The following ITFG1 variants were observed in gnomAD, a reference collection of about 807,000 sequenced individuals.
ITFG1 encodes the protein T-cell immunomodulatory protein.
A neutral mutation model predicts 81.8 loss-of-function variants in ITFG1; 34 were observed. The ratio of observed to expected loss-of-function variants is 0.42; its 90% CI spans 0.32 to 0.55. ITFG1 has a LOEUF of 0.55. Among genes scored for constraint, ITFG1 ranks in the 20% least tolerant of loss-of-function variants. ITFG1 has a pLI of 0.17. For missense variants in ITFG1, 672 were observed against 755.4 expected (o/e 0.89, Z 1.29); for synonymous variants, 285 against 270.6 (o/e 1.05, Z -0.52).
intron 14 of ITFG1, among the ~76,000 whole-genome samples, chr16:47,186,683 C>G (rs1965222398): frequency 6.6e-6 from 1 of 152,178 alleles, no homozygotes; most frequent in Non-Finnish European, 1.5e-5. Flanking sequence ...TGGAAGCATT[C>G]CCTTTGAAAA....
intron 14 of ITFG1, among the ~76,000 whole-genome samples, chr16:47,206,054 T>C (rs1965495665): frequency 6.6e-6 from 1 of 152,092 alleles, no homozygotes; most frequent in Non-Finnish European, 1.5e-5. Context: ...TTAGTGGAGA[T>C]GGGGTTTCAC....
chr16:47,163,053 C>T (rs546725613), intron 14 of ITFG1, among the ~76,000 whole-genome samples: 93 of 152,260 alleles, frequency 6.1e-4, no homozygotes, highest in African/African-American at 2.0e-3. Context: ...CCCCCTGCCT[C>T]GGGCTCTCAA....
At chr16:47,255,074 G>A (rs1966124499) in intron 12 of ITFG1, among the ~76,000 whole-genome samples, 1 of 152,132 alleles carries the variant, frequency 6.6e-6, no homozygotes, top group Admixed American at 6.5e-5. Context: ...GCAATAGACC[G>A]AGACTCTGTC....
chr16:47,396,016 T>A (rs1968588267), intron 6 of ITFG1: 1 of 223,456 alleles, frequency 4.5e-6, no homozygotes, highest in Non-Finnish European at 7.5e-6. Flanking sequence ...ATGTTTTAGA[T>A]ATCTGAAGAC....
chr16:47,181,808 A>G (rs1027602026), intron 14 of ITFG1, among the ~76,000 whole-genome samples: 2 of 152,138 alleles, frequency 1.3e-5, no homozygotes, highest in African/African-American at 4.8e-5. Flanking sequence ...AGAGGTAGAC[A>G]TGGGAGACTT....
intron 14 of ITFG1, among the ~76,000 whole-genome samples, chr16:47,170,270 A>C (rs1964941246): frequency 6.6e-6 from 1 of 152,078 alleles, no homozygotes; most frequent in Non-Finnish European, 1.5e-5. Flanking sequence ...TCCTTTCATG[A>C]AATTGTTGGT....
intron 10 of ITFG1, among the ~76,000 whole-genome samples, chr16:47,297,182 TTC>T: frequency 6.6e-6 from 1 of 152,316 alleles, no homozygotes; most frequent in South Asian, 2.1e-4. Context: ...ATGACATTCT[TTC>T]TTTTTTACTG....
intron 8 of ITFG1, among the ~76,000 whole-genome samples, chr16:47,352,583 A>G (rs2151582104): frequency 6.6e-6 from 1 of 152,324 alleles, no homozygotes; most frequent in African/African-American, 2.4e-5. Flanking sequence ...GATGTGGAGA[A>G]AGAGGAACAC....
At chr16:47,307,112 A>AAC (rs1967178907) in intron 10 of ITFG1, among the ~76,000 whole-genome samples, 1 of 147,610 alleles carries the variant, frequency 6.8e-6, no homozygotes, top group Non-Finnish European at 1.5e-5. Flanking sequence ...AAAAAAAAAA[A>AAC]AAAAAAAAAA....
chr16:47,408,097 T>G (rs1968752326), intron 6 of ITFG1, among the ~76,000 whole-genome samples: 1 of 152,202 alleles, frequency 6.6e-6, no homozygotes, highest in Non-Finnish European at 1.5e-5. Flanking sequence ...CAATACAGAA[T>G]GAATAGAGTG....
At chr16:47,292,162 C>T (rs552432437) in intron 10 of ITFG1, among the ~76,000 whole-genome samples, 28 of 152,064 alleles carry the variant, frequency 1.8e-4, no homozygotes, top group African/African-American at 5.1e-4. Flanking sequence ...TACAGGCGCC[C>T]GCCACCACAC....
chr16:47,216,584 T>C (rs1418779570), intron 14 of ITFG1, among the ~76,000 whole-genome samples: 2 of 152,198 alleles, frequency 1.3e-5, no homozygotes, highest in African/African-American at 2.4e-5. Context: ...TCTCTTGAAA[T>C]TGTATTCCTC....
intron 14 of ITFG1, 38 bp from the exon 15 acceptor site, chr16:47,162,702 C>A: frequency 6.5e-7 from 1 of 1,544,552 alleles, no homozygotes; most frequent in Non-Finnish European, 8.7e-7. Flanking sequence ...AAAAACATCT[C>A]TGGAAACATT....
At chr16:47,178,649 T>C (rs1965059959) in intron 14 of ITFG1, among the ~76,000 whole-genome samples, 2 of 152,108 alleles carry the variant, frequency 1.3e-5, no homozygotes, top group South Asian at 2.1e-4. Context: ...GCAATACCAT[T>C]CAGGACATAG....
chr16:47,204,340 T>C (rs527951147), intron 14 of ITFG1, among the ~76,000 whole-genome samples: 6 of 152,246 alleles, frequency 3.9e-5, no homozygotes, highest in Non-Finnish European at 8.8e-5. Flanking sequence ...TGAATTTCTG[T>C]GAGTCATTCC....
intron 14 of ITFG1, among the ~76,000 whole-genome samples, chr16:47,213,780 C>G (rs1965593542): frequency 6.6e-6 from 1 of 152,146 alleles, no homozygotes; most frequent in Non-Finnish European, 1.5e-5. Flanking sequence ...TTCCACAAGA[C>G]TTGTGCTCAG....
intron 6 of ITFG1, among the ~76,000 whole-genome samples, chr16:47,422,766 A>G (rs554021182): frequency 2.0e-5 from 3 of 151,592 alleles, no homozygotes; most frequent in African/African-American, 7.3e-5. Flanking sequence ...TAGATTTTCC[A>G]GTTTTTTTTT....
intron 5 of ITFG1, among the ~76,000 whole-genome samples, chr16:47,435,056 A>C (rs1969147866): frequency 6.6e-6 from 1 of 152,166 alleles, no homozygotes; most frequent in South Asian, 2.1e-4. Flanking sequence ...GGAGAGCATC[A>C]GGGAAGAATA....
intron 5 of ITFG1, among the ~76,000 whole-genome samples, chr16:47,444,282 C>G (rs1969293985): frequency 6.6e-6 from 1 of 152,118 alleles, no homozygotes; most frequent in Non-Finnish European, 1.5e-5. Context: ...TGCTATTTCT[C>G]ATTAATTAAC....
Sources: allele counts gnomAD v4.1 joint callset (sites outside exome capture counted in the v4.1 genomes callset), GRCh38; gene constraint gnomAD v4.1.1; transcripts MANE v1.5; gene names NCBI Gene and HGNC (gene_info 2026-07-23, HGNC 2026-07-21).